SHISA9: variants seen among roughly 807,000 people sequenced by gnomAD.
The protein encoded by SHISA9 is protein shisa-9.
Under a neutral mutation model 38.0 loss-of-function variants are expected in SHISA9, and 13 were observed. That is an observed-to-expected ratio of 0.34 (90% confidence interval 0.22 to 0.54). The LOEUF (loss-of-function observed/expected upper bound fraction) is 0.54, where lower values mean the gene tolerates loss of function less well. SHISA9 is among the 20% of genes least tolerant of loss of function. SHISA9 has a pLI of 0.91. For synonymous variants in SHISA9, 275 were observed against 242.0 expected, an observed-to-expected ratio of 1.14 and a Z score of -1.27; for missense variants, 538 against 575.8, an observed-to-expected ratio of 0.93 and a Z score of 0.67.
chr16:13,001,372 A>C (rs2072523739), intron 2 of SHISA9, among the ~76,000 whole-genome samples: 1 of 151,530 alleles, frequency 6.6e-6, no homozygotes, highest in Admixed American at 6.6e-5. Flanking sequence ...TCCACTGACT[A>C]AGGATCGGGG....
intron 2 of SHISA9, among the ~76,000 whole-genome samples, chr16:13,160,152 A>G (rs2050582673): frequency 6.6e-6 from 1 of 152,202 alleles, no homozygotes; most frequent in Admixed American, 6.5e-5. Flanking sequence ...CCTAGGGAAG[A>G]GAGTTCCAGG....
intron 2 of SHISA9, among the ~76,000 whole-genome samples, chr16:13,050,630 C>G (rs766479084): frequency 2.0e-5 from 3 of 152,160 alleles, no homozygotes; most frequent in Non-Finnish European, 4.4e-5. Context: ...CCACGCCCAG[C>G]CATTTTATAA....
chr16:13,440,947 G>C, the SHISA9 span, among the ~76,000 whole-genome samples: 1 of 151,852 alleles, frequency 6.6e-6, no homozygotes, highest in Non-Finnish European at 1.5e-5. Context: ...AAAAGTCATT[G>C]ATATATTCCA....
chr16:13,019,968 T>TTTCCTTCCTTCC (rs750335000), intron 2 of SHISA9, among the ~76,000 whole-genome samples: 901 of 43,168 alleles, frequency 0.021, 51 homozygotes, highest in African/African-American at 0.033. Flanking sequence ...TCCCTCCTTC[T>TTTCCTTCCTTCC]TTCCTTCCTT....
At chr16:13,021,460 A>T (rs2072853073) in intron 2 of SHISA9, among the ~76,000 whole-genome samples, 1 of 152,108 alleles carries the variant, frequency 6.6e-6, no homozygotes. Flanking sequence ...TGGGGACAGG[A>T]AGTGAGTTAG....
intron 2 of SHISA9, among the ~76,000 whole-genome samples, chr16:13,117,700 G>T (rs1039111414): frequency 6.6e-6 from 1 of 152,152 alleles, no homozygotes; most frequent in Non-Finnish European, 1.5e-5. Flanking sequence ...AAGGGGCATG[G>T]CCCTGCCAAC....
At chr16:13,006,022 C>A (rs2072593225) in intron 2 of SHISA9, among the ~76,000 whole-genome samples, 1 of 152,174 alleles carries the variant, frequency 6.6e-6, no homozygotes, top group African/African-American at 2.4e-5. Flanking sequence ...GCATGTGTGT[C>A]CCTGCAGCTT....
chr16:13,425,311 AC>A, the SHISA9 span, among the ~76,000 whole-genome samples: 1 of 152,144 alleles, frequency 6.6e-6, no homozygotes, highest in Non-Finnish European at 1.5e-5. Flanking sequence ...ACATGGCAAA[AC>A]CCCATCTCTC....
chr16:13,400,795 C>T, the SHISA9 span, among the ~76,000 whole-genome samples: 1 of 152,210 alleles, frequency 6.6e-6, no homozygotes, highest in Non-Finnish European at 1.5e-5. Context: ...CAGGACACAG[C>T]TTAGGAGGCC....
intron 1 of SHISA9, chr16:12,911,489 G>C: frequency 1.4e-6 from 1 of 700,820 alleles, no homozygotes; most frequent in Non-Finnish European, 1.8e-6. Flanking sequence ...CATACGTAAG[G>C]ACAGAAATTT....
At chr16:13,100,947 C>T (rs1172819344) in intron 2 of SHISA9, among the ~76,000 whole-genome samples, 1 of 152,314 alleles carries the variant, frequency 6.6e-6, no homozygotes, top group South Asian at 2.1e-4. Context: ...CTGCCCACCT[C>T]GGTCTCCCGA....
At chr16:13,510,860 C>A in the SHISA9 span, among the ~76,000 whole-genome samples, 1 of 152,046 alleles carries the variant, frequency 6.6e-6, no homozygotes, top group Admixed American at 6.6e-5. Flanking sequence ...CCCTTGTCAT[C>A]TACGTACTTT....
At chr16:12,981,608 G>C (rs1449596677) in intron 2 of SHISA9, among the ~76,000 whole-genome samples, 1 of 152,192 alleles carries the variant, frequency 6.6e-6, no homozygotes, top group African/African-American at 2.4e-5. Flanking sequence ...CATGATCAGA[G>C]AACTGGCCAT....
chr16:12,935,237 GAAAC>G (rs1291661450), intron 2 of SHISA9, among the ~76,000 whole-genome samples: 3 of 152,128 alleles, frequency 2.0e-5, no homozygotes, highest in Non-Finnish European at 4.4e-5. Context: ...TTCAAAAAGG[GAAAC>G]AAACAAACCT....
At chr16:12,910,031 A>G (rs1356301605) in intron 1 of SHISA9, 1 of 151,872 alleles carries the variant, frequency 6.6e-6, no homozygotes, top group East Asian at 1.9e-4. Context: ...TAATTTTTGT[A>G]TTTTTATTGG....
At chr16:13,139,448 C>T (rs1202033155) in intron 2 of SHISA9, among the ~76,000 whole-genome samples, 1 of 111,348 alleles carries the variant, frequency 9.0e-6, no homozygotes, top group African/African-American at 4.0e-5. Flanking sequence ...CTTCCTCTTC[C>T]TCTCCCTCTT....
intron 2 of SHISA9, among the ~76,000 whole-genome samples, chr16:13,070,789 A>G (rs2073504596): frequency 6.6e-6 from 1 of 152,214 alleles, no homozygotes; most frequent in Non-Finnish European, 1.5e-5. Flanking sequence ...ATAATAAATA[A>G]CATGGCTGAG....
intron 1 of SHISA9, chr16:12,908,984 A>AAATAATGAT (rs1274591065): frequency 1.0e-6 from 1 of 1,004,848 alleles, no homozygotes; most frequent in African/African-American, 1.7e-5. Context: ...AAATAGCAAC[A>AAATAATGAT]AATAATGATA....
At chr16:13,116,454 A>C (rs1039378428) in intron 2 of SHISA9, among the ~76,000 whole-genome samples, 5 of 152,184 alleles carry the variant, frequency 3.3e-5, no homozygotes, top group African/African-American at 1.2e-4. Context: ...GAAGGAGCTG[A>C]AATTTCAGAT....
Sources: allele counts gnomAD v4.1 joint callset (sites outside exome capture counted in the v4.1 genomes callset), GRCh38; gene constraint gnomAD v4.1.1; transcripts MANE v1.5; gene names NCBI Gene and HGNC (gene_info 2026-07-23, HGNC 2026-07-21).